SPECC1: variants seen among roughly 807,000 people sequenced by gnomAD.
The protein encoded by SPECC1 is sperm antigen with calponin homology and coiled-coil domains 1.
In SPECC1, 62 loss-of-function variants were observed where a neutral mutation model predicts 104.1. The ratio of observed to expected loss-of-function variants is 0.60; its 90% CI spans 0.49 to 0.74. SPECC1 has a LOEUF of 0.74. Ranked by LOEUF, SPECC1 falls within the 30% of genes least tolerant of loss-of-function variation. The probability of loss-of-function intolerance (pLI) is 0.00; values close to 1 mark genes in which losing one functional copy is unlikely to be tolerated. For missense variants in SPECC1, 1,306 were observed against 1,310.5 expected, an observed-to-expected ratio of 1.00 and a Z score of 0.05; for synonymous variants, 513 against 501.6, an observed-to-expected ratio of 1.02 and a Z score of -0.30.
chr17:20,012,237 T>G (rs1328933409), intron 1 of SPECC1, among the ~76,000 whole-genome samples: 2 of 152,106 alleles, frequency 1.3e-5, no homozygotes, highest in Non-Finnish European at 2.9e-5. Flanking sequence ...TCTTAGTATA[T>G]TGGGTATACA....
At chr17:20,189,940 GGTGA>G (rs1190302533) in intron 3 of SPECC1, among the ~76,000 whole-genome samples, 15 of 152,108 alleles carry the variant, frequency 9.9e-5, no homozygotes, top group Non-Finnish European at 5.9e-5. Flanking sequence ...AAGTAAAATG[GGTGA>G]GTAATTTGGT....
intron 1 of SPECC1, among the ~76,000 whole-genome samples, chr17:20,052,222 T>G (rs1445040029): frequency 6.6e-6 from 1 of 152,190 alleles, no homozygotes; most frequent in African/African-American, 2.4e-5. Flanking sequence ...TAAATAGCCA[T>G]TTGTGCCAAA....
In SPECC1 at chr17:20,205,446, T is replaced by A; in HGVS notation, c.1397T>A (p.Leu466Gln). ...ACTCAGGAAGGAAAAATTATTGAACTGGAGCAGAAGTGCACAGGTATTCTT... is the reference window on the plus strand; with the variant it reads ...ACTCAGGAAGGAAAAATTATTGAACAGGAGCAGAAGTGCACAGGTATTCTT... ...PTTQEGKIIE[L>Q]EQKCTGILEQ... Residue 466 changes from leucine (L) to glutamine (Q), a missense_variant, in exon 4 of 15, where the codon CTG becomes CAG. Transcript: ENST00000395527. 1 of 1,614,046 alleles carries A rather than the reference T, an allele frequency of 6.2e-7. No individual in the cohort carries two copies. Among genetic ancestry groups the A allele is most frequent in the Non-Finnish European group, 8.5e-7 (1 of 1,180,032 alleles).
chr17:20,110,857 C>T (rs1055919807), intron 3 of SPECC1, among the ~76,000 whole-genome samples: 3 of 151,812 alleles, frequency 2.0e-5, no homozygotes, highest in African/African-American at 4.8e-5. Context: ...CCAAGCAGGG[C>T]GGCATATGTT....
intron 12 of SPECC1, among the ~76,000 whole-genome samples, chr17:20,287,745 T>C (rs987825835): frequency 1.4e-5 from 2 of 138,686 alleles, no homozygotes; most frequent in Non-Finnish European, 3.1e-5. Context: ...TAAGTACACA[T>C]AGCTTTTTTT....
At chr17:20,053,812 A>G (rs545235774) in intron 1 of SPECC1, among the ~76,000 whole-genome samples, 20 of 152,376 alleles carry the variant, frequency 1.3e-4, no homozygotes, top group African/African-American at 4.8e-4. Flanking sequence ...AGCCAGAACC[A>G]GCCAGCTAAG....
intron 1 of SPECC1, among the ~76,000 whole-genome samples, chr17:20,074,207 G>A (rs1415069015): frequency 6.6e-6 from 1 of 152,174 alleles, no homozygotes; most frequent in African/African-American, 2.4e-5. Context: ...GAGGAGATCA[G>A]CACTGTAGTG....
At chr17:20,151,148 T>G (rs931621904) in intron 3 of SPECC1, among the ~76,000 whole-genome samples, 6 of 152,204 alleles carry the variant, frequency 3.9e-5, no homozygotes, top group African/African-American at 1.4e-4. Context: ...AATTTAGAAA[T>G]TACAGACAGT....
intron 1 of SPECC1, among the ~76,000 whole-genome samples, chr17:20,060,324 C>T (rs1440931930): frequency 6.6e-6 from 1 of 152,110 alleles, no homozygotes; most frequent in Non-Finnish European, 1.5e-5. Flanking sequence ...TATGCGGTTT[C>T]TACAACTATT....
At chr17:20,083,534 A>C (rs1334203586) in intron 1 of SPECC1, among the ~76,000 whole-genome samples, 1 of 152,154 alleles carries the variant, frequency 6.6e-6, no homozygotes, top group Non-Finnish European at 1.5e-5. Flanking sequence ...TTTGAAATAC[A>C]TCCTTTTTGT....
chr17:20,081,767 T>C (rs1162234471), intron 1 of SPECC1, among the ~76,000 whole-genome samples: 1 of 152,106 alleles, frequency 6.6e-6, no homozygotes, highest in Non-Finnish European at 1.5e-5. Flanking sequence ...TGATCCGTGC[T>C]GTAACTTTTC....
intron 1 of SPECC1, among the ~76,000 whole-genome samples, chr17:20,031,469 G>T (rs1252248019): frequency 6.6e-6 from 1 of 152,002 alleles, no homozygotes; most frequent in African/African-American, 2.4e-5. Context: ...ACAGGTGCCC[G>T]CCACCACACC....
intron 2 of SPECC1, among the ~76,000 whole-genome samples, chr17:20,107,747 A>C (rs2152520034): frequency 6.6e-6 from 1 of 152,264 alleles, no homozygotes; most frequent in East Asian, 1.9e-4. Flanking sequence ...GCTTGTCTCA[A>C]ACTCCTGACC....
intron 3 of SPECC1, chr17:20,156,015 G>T: frequency 7.8e-7 from 1 of 1,285,896 alleles, no homozygotes; most frequent in Non-Finnish European, 9.8e-7. Flanking sequence ...CGGGGCCCAC[G>T]GGCGCGGGAG....
chr17:20,255,753 A>T (rs898531007), intron 10 of SPECC1, among the ~76,000 whole-genome samples: 13 of 152,032 alleles, frequency 8.6e-5, no homozygotes, highest in Admixed American at 3.9e-4. Flanking sequence ...TTGTGGGGGG[A>T]TAGAGACAGG....
intron 3 of SPECC1, among the ~76,000 whole-genome samples, chr17:20,133,149 C>A (rs1007861884): frequency 7.2e-5 from 11 of 152,022 alleles, no homozygotes; most frequent in Admixed American, 5.9e-4. Flanking sequence ...TATTCTTTCT[C>A]TTTTTTTGTC....
At chr17:20,127,600 G>A (rs1457815364) in intron 3 of SPECC1, among the ~76,000 whole-genome samples, 7 of 152,130 alleles carry the variant, frequency 4.6e-5, no homozygotes, top group Non-Finnish European at 8.8e-5. Context: ...AAGCCACAGC[G>A]CCCAGCCAGG....
intron 3 of SPECC1, among the ~76,000 whole-genome samples, chr17:20,117,955 A>G (rs2048842907): frequency 6.6e-6 from 1 of 151,792 alleles, no homozygotes; most frequent in African/African-American, 2.4e-5. Context: ...AAATACAAAA[A>G]TTAGCCAAGC....
intron 12 of SPECC1, among the ~76,000 whole-genome samples, chr17:20,270,297 TA>T (rs200501819): frequency 1.7e-4 from 25 of 150,684 alleles, no homozygotes; most frequent in Non-Finnish European, 3.4e-4. Context: ...TAATTTTTTT[TA>T]AAAAAAACAG....
Sources: allele counts gnomAD v4.1 joint callset (sites outside exome capture counted in the v4.1 genomes callset), GRCh38; gene constraint gnomAD v4.1.1; transcripts MANE v1.5; gene names NCBI Gene and HGNC (gene_info 2026-07-23, HGNC 2026-07-21).